MYLK4: variants seen among roughly 807,000 people sequenced by gnomAD.
The protein encoded by MYLK4 is caMLCK like.
MYLK4 carries 46 observed loss-of-function variants against 48.1 expected under a neutral mutation model. The ratio of observed to expected loss-of-function variants is 0.96; its 90% CI spans 0.75 to 1.22. The LOEUF is 1.22. Ranked by LOEUF, MYLK4 falls within the 50% of genes most tolerant of loss-of-function variation. The pLI is 0.00. For missense variants in MYLK4, 451 were observed against 486.1 expected, an observed-to-expected ratio of 0.93 and a Z score of 0.68; for synonymous variants, 170 against 180.8, an observed-to-expected ratio of 0.94 and a Z score of 0.48.
the MYLK4 span, chr6:2,766,197 A>G: frequency 2.1e-6 from 3 of 1,406,352 alleles, no homozygotes; most frequent in Admixed American, 9.7e-5. Flanking sequence ...TGGGACGCGG[A>G]CGCTGCCGAA....
Position 2,734,473 on chromosome 6 carries a change from T to G in MYLK4, c.159+14663A>C, listed in dbSNP as rs146962137. On this transcript the variant is annotated intron_variant, in intron 2 of 12. Coordinates refer to ENST00000274643, the MANE Select transcript of MYLK4 (RefSeq NM_001012418.5). Reference sequence around the variant, plus strand: ...AACTGGCCACAGGACAAGTTCTGTGTTTTGTCGGCCTGGGAAATCTAATGG... The same window carrying G: ...AACTGGCCACAGGACAAGTTCTGTGGTTTGTCGGCCTGGGAAATCTAATGG... 3.4e-3 allele frequency among the ~76,000 whole-genome samples: 521 copies of G among 152,244 alleles called. 4 individuals are homozygous for G. Among genetic ancestry groups the G allele is most frequent in the African/African-American group, 0.012 (502 of 41,528 alleles).
intron 2 of MYLK4, among the ~76,000 whole-genome samples, chr6:2,720,246 T>C (rs1207270420): frequency 1.3e-5 from 2 of 151,352 alleles, no homozygotes; most frequent in African/African-American, 4.9e-5. Context: ...CTACTAAAAA[T>C]ACAAAAAATT....
chr6:2,708,925 C>T (rs1209044536), intron 2 of MYLK4, among the ~76,000 whole-genome samples: 1 of 152,150 alleles, frequency 6.6e-6, no homozygotes, highest in Admixed American at 6.5e-5. Context: ...TTCAGATTGT[C>T]CCCATTCTTT....
chr6:2,746,139 C>T (rs960574857), intron 2 of MYLK4, among the ~76,000 whole-genome samples: 22 of 151,080 alleles, frequency 1.5e-4, no homozygotes, highest in Admixed American at 5.9e-4. Flanking sequence ...TGGTTGCGTG[C>T]GCCTGTAATC....
the MYLK4 span, chr6:2,770,027 AG>A: frequency 6.5e-7 from 1 of 1,539,052 alleles, no homozygotes. Context: ...GATAAAAATG[AG>A]GAAAAGGAAG....
intron 2 of MYLK4, 76 bp from the exon 3 acceptor site, chr6:2,692,935 C>A: frequency 7.6e-7 from 1 of 1,320,424 alleles, no homozygotes; most frequent in Non-Finnish European, 1.1e-6. Flanking sequence ...CTGACACTTG[C>A]GCTGGATGAT....
At chr6:2,762,201 T>C in the MYLK4 span, among the ~76,000 whole-genome samples, 1 of 152,184 alleles carries the variant, frequency 6.6e-6, no homozygotes, top group Non-Finnish European at 1.5e-5. Context: ...TTTATATTAA[T>C]TCTATCTCTC....
chr6:2,760,861 T>G, the MYLK4 span, among the ~76,000 whole-genome samples: 2 of 152,182 alleles, frequency 1.3e-5, no homozygotes, highest in Non-Finnish European at 2.9e-5. Context: ...TGGCATAGAT[T>G]CCAGAAGATG....
At chr6:2,740,382 G>A (rs920243841) in intron 2 of MYLK4, among the ~76,000 whole-genome samples, 10 of 152,184 alleles carry the variant, frequency 6.6e-5, no homozygotes, top group African/African-American at 2.2e-4. Context: ...GCATTGCTGC[G>A]GGACCTTCTT....
chr6:2,769,415 A>G, the MYLK4 span, among the ~76,000 whole-genome samples: 64,136 of 151,988 alleles, frequency 0.42, 13,886 homozygotes, highest in African/African-American at 0.44. Context: ...GATTTAAAAA[A>G]AAATAAACAT....
At chr6:2,668,770 T>TA (rs1303274279) in intron 12 of MYLK4, among the ~76,000 whole-genome samples, 64 of 152,312 alleles carry the variant, frequency 4.2e-4, no homozygotes, top group African/African-American at 1.4e-3. Flanking sequence ...TTTATTTATT[T>TA]TTTTAAGTAA....
At chr6:2,757,204 G>A in the MYLK4 span, among the ~76,000 whole-genome samples, 1 of 151,438 alleles carries the variant, frequency 6.6e-6, no homozygotes, top group African/African-American at 2.4e-5. Context: ...GAGCTATTAT[G>A]TAATGACTCA....
At chr6:2,693,561 G>C (rs556174251) in intron 2 of MYLK4, among the ~76,000 whole-genome samples, 1 of 152,262 alleles carries the variant, frequency 6.6e-6, no homozygotes, top group African/African-American at 2.4e-5. Context: ...ATATAAAAGG[G>C]AAACATTAGC....
chr6:2,751,410 C>G (rs13200265), upstream of MYLK4, among the ~76,000 whole-genome samples: 1 of 152,184 alleles, frequency 6.6e-6, no homozygotes, highest in Non-Finnish European at 1.5e-5. Context: ...ATTTCTAGCT[C>G]TAGGGAAAGG....
chr6:2,691,395 G>T (rs1178064515), intron 3 of MYLK4, among the ~76,000 whole-genome samples: 1 of 152,144 alleles, frequency 6.6e-6, no homozygotes, highest in East Asian at 1.9e-4. Context: ...GATACTTTTG[G>T]TTCCAAATAG....
intron 3 of MYLK4, among the ~76,000 whole-genome samples, chr6:2,691,489 T>C (rs955566748): frequency 6.6e-6 from 1 of 152,236 alleles, no homozygotes; most frequent in African/African-American, 2.4e-5. Context: ...AGTGAAACTG[T>C]GTAGTTGAGA....
intron 2 of MYLK4, among the ~76,000 whole-genome samples, chr6:2,745,029 G>A (rs1314168547): frequency 6.6e-6 from 1 of 152,182 alleles, no homozygotes; most frequent in South Asian, 2.1e-4. Flanking sequence ...GAGTAACTAG[G>A]GGTGAACAGG....
chr6:2,693,102 G>A (rs1761879007), intron 2 of MYLK4, among the ~76,000 whole-genome samples: 1 of 152,126 alleles, frequency 6.6e-6, no homozygotes, highest in Non-Finnish European at 1.5e-5. Flanking sequence ...ACCCCAGGCT[G>A]AAAACTACTA....
intron 2 of MYLK4, among the ~76,000 whole-genome samples, chr6:2,732,005 T>C (rs1241655072): frequency 6.6e-6 from 1 of 151,942 alleles, no homozygotes; most frequent in Non-Finnish European, 1.5e-5. Context: ...CAAACTTAAG[T>C]GAGAGGGAGG....
Sources: gnomAD v4.1 joint callset for allele counts (sites outside exome capture counted in the v4.1 genomes callset) on GRCh38, gnomAD v4.1.1 for gene constraint, MANE v1.5 for transcripts, NCBI Gene and HGNC (gene_info 2026-07-23, HGNC 2026-07-21) for gene names.